Variants in DDX43 observed in about 807,000 individuals in gnomAD.
The protein encoded by DDX43 is probable ATP-dependent RNA helicase DDX43.
A neutral mutation model predicts 84.9 loss-of-function variants in DDX43; 50 were observed. The observed-to-expected ratio is 0.59, with a 90% CI of 0.47 to 0.75. The LOEUF (loss-of-function observed/expected upper bound fraction) is 0.75, where lower values mean the gene tolerates loss of function less well. Among genes scored for constraint, DDX43 ranks in the 30% least tolerant of loss-of-function variants. The pLI is 0.00. For synonymous variants in DDX43, 291 were observed against 266.3 expected (o/e 1.09, Z -0.90); for missense variants, 689 against 798.6 (o/e 0.86, Z 1.65).
rs2150803612 is a variant in DDX43, at chr6:73,415,602, A to G, written c.1833+18A>G. The G allele has an allele frequency of 6.5e-7, 1 of 1,544,460 alleles. No individual in the cohort carries two copies. The highest frequency in any genetic ancestry group is 8.9e-7 in the Non-Finnish European group (1 of 1,122,104). ...CAAATCAGGTGAGACTATGCAATTC[A>G]TTAGAAATCTACCTGTTATCAGTAT... On this transcript the variant is annotated intron_variant, in intron 15 of 16. Coordinates refer to ENST00000370336, the MANE Select transcript of DDX43 (RefSeq NM_018665.3).
At position 73,394,888 on chromosome 6, in the gene DDX43, G is replaced by A. The variant is rs1769428910; in HGVS notation, c.-18G>A. The A allele has an allele frequency of 6.2e-7, 1 of 1,612,822 alleles. No individual in the cohort carries two copies. Among genetic ancestry groups the A allele is most frequent in the Admixed American group, 1.7e-5 (1 of 59,928 alleles). On this transcript the variant is annotated 5_prime_UTR_variant, in exon 1 of 17. Coordinates refer to ENST00000370336, the MANE Select transcript of DDX43 (RefSeq NM_018665.3). ...GAGCTGGACGGCAACGACGTCGGAC[G>A]CGCCCCTTCTTGGAACAATGTCCCA... is the stretch of plus-strand genomic sequence containing the variant.
intron 9 of DDX43, among the ~76,000 whole-genome samples, chr6:73,408,485 G>A (rs1272608285): frequency 2.0e-5 from 3 of 152,078 alleles, no homozygotes; most frequent in African/African-American, 4.8e-5. Flanking sequence ...CTCCCCTTGA[G>A]CTTTTAATAG....
chr6:73,410,333 A>T (rs1014830909), intron 10 of DDX43, among the ~76,000 whole-genome samples: 1 of 151,846 alleles, frequency 6.6e-6, no homozygotes, highest in African/African-American at 2.4e-5. Context: ...TGCCCAGCTA[A>T]TTATTGTATT....
chr6:73,412,638 A>AGT (rs66577187), intron 11 of DDX43, among the ~76,000 whole-genome samples: 5,598 of 58,904 alleles, frequency 0.095, 278 homozygotes, highest in Non-Finnish European at 0.13. Flanking sequence ...ATATATATAT[A>AGT]GTGTGTGTGT....
chr6:73,409,898 C>A (rs1008638837), intron 10 of DDX43, among the ~76,000 whole-genome samples: 1 of 151,896 alleles, frequency 6.6e-6, no homozygotes, highest in African/African-American at 2.4e-5. Flanking sequence ...GGCATAGTGG[C>A]GCACACTTGT....
At chr6:73,413,155 T>G (rs1316900462) in intron 11 of DDX43, among the ~76,000 whole-genome samples, 2 of 152,226 alleles carry the variant, frequency 1.3e-5, no homozygotes, top group African/African-American at 4.8e-5. Flanking sequence ...AATATTGGGT[T>G]CATGTGTTGT....
chr6:73,410,097 A>G (rs1243930427), intron 10 of DDX43, among the ~76,000 whole-genome samples: 2 of 152,062 alleles, frequency 1.3e-5, no homozygotes, highest in Non-Finnish European at 2.9e-5. Context: ...TATAAATAAT[A>G]TAAAATTTAA....
chr6:73,416,160 T>A lies in DDX43; in HGVS notation c.1881T>A (p.His627Gln), dbSNP rs1437420454. The A allele has an allele frequency of 1.3e-6, 2 of 1,597,788 alleles. No homozygotes were observed. Among genetic ancestry groups the A allele is most frequent in the Non-Finnish European group, 1.7e-6 (2 of 1,165,072 alleles). Reference protein sequence around the residue: ...LVSMAERFKAHQQKREMERKM... With the variant: ...LVSMAERFKAQQQKREMERKM... ...CAATGGCTGAGAGGTTTAAGGCACA[T>A]CAACAGAAAAGGGAAATGGAAAGAA... Residue 627 changes from histidine to glutamine, a missense_variant, in exon 16 of 17, where the codon CAT (histidine) becomes CAA (glutamine). His to Gln is a conservative substitution (Grantham distance 24). Around this residue, in one of 2 missense-constraint regions of DDX43, gnomAD observed 552 missense variants for 692.7 expected, o/e 0.80. Coordinates refer to ENST00000370336, the MANE Select transcript of DDX43 (RefSeq NM_018665.3).
chr6:73,413,724 A>G lies in DDX43; in HGVS notation c.1435A>G (p.Thr479Ala), dbSNP rs752728432. The change falls in exon 12 of 17, where the codon ACT becomes GCT. Residue 479 changes from threonine to alanine, a missense_variant. Coordinates refer to ENST00000370336, the MANE Select transcript of DDX43 (RefSeq NM_018665.3). Reference sequence around the variant, plus strand: ...GGAAGAGAAATGGAGTCACATGCAAACTTTTCTACAGAGTATGTCATCCAC... The same window carrying G: ...GGAAGAGAAATGGAGTCACATGCAAGCTTTTCTACAGAGTATGTCATCCAC... ...TEEEKWSHMQ[T>A]FLQSMSSTDK... 3.1e-6 allele frequency: 5 copies of G among 1,613,770 alleles called. No individual in the cohort carries two copies. In the East Asian group the frequency reaches 1.1e-4, roughly 36 times the overall value.
At chr6:73,412,678 C>CGTGCGT (rs1554236195) in intron 11 of DDX43, among the ~76,000 whole-genome samples, 25 of 76,518 alleles carry the variant, frequency 3.3e-4, no homozygotes, top group Non-Finnish European at 6.0e-4. Context: ...TGCGCGCGCG[C>CGTGCGT]GTGTGTGTGT....
At chr6:73,397,255 A>T (rs910968507) in intron 1 of DDX43, among the ~76,000 whole-genome samples, 4 of 152,194 alleles carry the variant, frequency 2.6e-5, no homozygotes, top group Non-Finnish European at 5.9e-5. Flanking sequence ...ACCAGATGTG[A>T]GGTGACAATC....
At chr6:73,403,390 A>C (rs768473962) in intron 4 of DDX43, among the ~76,000 whole-genome samples, 69 of 151,968 alleles carry the variant, frequency 4.5e-4, no homozygotes, top group Non-Finnish European at 8.4e-4. Flanking sequence ...GAATCGCTTG[A>C]CCCCAGGAGG....
At chr6:73,402,049 T>C (rs1769586108) in intron 4 of DDX43, 59 bp downstream of exon 4, 2 of 1,594,562 alleles carry the variant, frequency 1.3e-6, no homozygotes, top group Admixed American at 1.7e-5. Context: ...GTTTTTATTC[T>C]CTGTACAATG....
chr6:73,402,951 G>A (rs6935181), intron 4 of DDX43, among the ~76,000 whole-genome samples: 3,434 of 152,282 alleles, frequency 0.023, 155 homozygotes, highest in African/African-American at 0.079. Context: ...CATTATTCAA[G>A]CACTAGCCTT....
At chr6:73,410,806 C>G (rs1298464184) in intron 10 of DDX43, among the ~76,000 whole-genome samples, 2 of 152,096 alleles carry the variant, frequency 1.3e-5, no homozygotes, top group African/African-American at 4.8e-5. Context: ...GTTGCCCATG[C>G]TAGTCTTGAA....
chr6:73,413,451 G>A (rs916084728), intron 11 of DDX43: 8 of 379,400 alleles, frequency 2.1e-5, no homozygotes, highest in South Asian at 1.8e-4. Context: ...TTGAAGGAAT[G>A]GTACCAATAG....
At chr6:73,403,740 C>T (rs1346393265) in intron 4 of DDX43, among the ~76,000 whole-genome samples, 1 of 152,046 alleles carries the variant, frequency 6.6e-6, no homozygotes, top group Non-Finnish European at 1.5e-5. Flanking sequence ...GCCTCCATCT[C>T]CCAGGCTCAA....
rs1453495489 is a variant in DDX43, at chr6:73,414,064, G to A, written c.1591G>A (p.Glu531Lys). ...ACAGAGAGATCGGGAGAAAGCATTA[G>A]AGAACTTTAAAACAGGTATGTTTAT... The part of the protein sequence containing the change: ...REQRDREKAL[E>K]NFKTGKVRIL... Residue 531 changes from glutamate (E) to lysine (K), a missense_variant, in exon 13 of 17, where the codon GAG becomes AAG. Physicochemically the swap from Glu to Lys is moderately conservative, Grantham distance 56 (BLOSUM62 1). Transcript: ENST00000370336. 6.3e-7 allele frequency: 1 copy of A among 1,597,174 alleles called. No individual in the cohort carries two copies. The highest frequency in any genetic ancestry group is 8.6e-7 in the Non-Finnish European group (1 of 1,164,812).
chr6:73,404,638 A>G, intron 4 of DDX43, 52 bp from the exon 5 acceptor site: 1 of 1,296,100 alleles, frequency 7.7e-7, no homozygotes, highest in Non-Finnish European at 1.1e-6. Context: ...TTGACTAAGT[A>G]TTCATGATGC....
Sources: gnomAD v4.1 joint callset for allele counts (sites outside exome capture counted in the v4.1 genomes callset) on GRCh38, gnomAD v4.1.1 for gene constraint, gnomAD v4.1.1 regional missense constraint, MANE v1.5 for transcripts, NCBI Gene and HGNC (gene_info 2026-07-23, HGNC 2026-07-21) for gene names.